The following CELF5 variants were observed in gnomAD, a reference collection of about 807,000 sequenced individuals.
The protein encoded by CELF5 is CUG-BP and ETR-3 like factor 5.
A neutral mutation model predicts 54.9 loss-of-function variants in CELF5; 6 were observed. That is an observed-to-expected ratio of 0.11 (90% CI 0.06 to 0.22). The LOEUF (loss-of-function observed/expected upper bound fraction) is 0.22, where lower values mean the gene tolerates loss of function less well. Among genes scored for constraint, CELF5 ranks in the 10% least tolerant of loss-of-function variants. CELF5 has a pLI of 1.00. For synonymous variants in CELF5, 271 were observed against 290.9 expected (o/e 0.93, Z 0.70); for missense variants, 401 against 678.6 (o/e 0.59, Z 4.54).
intron 1 of CELF5, among the ~76,000 whole-genome samples, chr19:3,237,311 C>CAA (rs1182124877): frequency 3.3e-3 from 136 of 41,776 alleles, no homozygotes; most frequent in Middle Eastern, 0.016. Context: ...GACTCCGTCT[C>CAA]AAAAAAAAAA....
intron 11 of CELF5, 108 bp from the exon 12 acceptor site, chr19:3,293,211 C>T (rs1393392147): frequency 1.1e-5 from 16 of 1,458,614 alleles, no homozygotes; most frequent in East Asian, 2.3e-5. Flanking sequence ...CAGGTGTGCA[C>T]GCAGGCCTGC....
intron 1 of CELF5, among the ~76,000 whole-genome samples, chr19:3,233,995 C>A (rs1157457611): frequency 1.3e-5 from 2 of 152,174 alleles, no homozygotes; most frequent in Admixed American, 1.3e-4. Flanking sequence ...GTGGAGCAGG[C>A]CCCTCAGTGC....
chr19:3,253,630 G>A (rs578219235), intron 2 of CELF5, among the ~76,000 whole-genome samples: 35 of 152,172 alleles, frequency 2.3e-4, no homozygotes, highest in African/African-American at 8.2e-4. Flanking sequence ...TGCAGAGCAG[G>A]GGGGGCAAAG....
rs1196826146 is a variant in CELF5, at chr19:3,296,954, C to T, written c.*237C>T. The T allele has an allele frequency of 7.6e-6, 1 of 131,928 alleles. No individual in the cohort carries two copies. The highest frequency in any genetic ancestry group is 1.6e-5 in the Non-Finnish European group (1 of 63,980). The allele number at this position is 131,928 out of a possible 1,614,324, so 8.2% of individuals were successfully genotyped here. A position where few individuals can be genotyped will look rare whatever the true frequency, so the allele number is the denominator to read the frequency against. On this transcript the variant is annotated 3_prime_UTR_variant, in exon 13 of 13. Coordinates refer to ENST00000292672, the MANE Select transcript of CELF5 (RefSeq NM_021938.4). ...GCTGAAGAGGTTGGTGTTCCTGTTA[C>T]GTGTTTCAGGTGAGAAGCAGCAAAG...
At chr19:3,269,878 C>T (rs543198698) in intron 2 of CELF5, among the ~76,000 whole-genome samples, 2 of 152,244 alleles carry the variant, frequency 1.3e-5, no homozygotes, top group Admixed American at 1.3e-4. Context: ...ATCCTCCCTC[C>T]TTGGCCTCCC....
chr19:3,259,325 C>G (rs2079775345), intron 2 of CELF5, among the ~76,000 whole-genome samples: 2 of 152,040 alleles, frequency 1.3e-5, no homozygotes, highest in Admixed American at 1.3e-4. Context: ...GTTGTCACGA[C>G]TTGGGGAGGA....
intron 2 of CELF5, among the ~76,000 whole-genome samples, chr19:3,264,188 C>A (rs764646084): frequency 6.6e-6 from 1 of 151,910 alleles, no homozygotes; most frequent in African/African-American, 2.4e-5. Context: ...GCAGGAGGAT[C>A]GCTTGAGCCC....
At chr19:3,262,956 T>TA (rs1331541265) in intron 2 of CELF5, among the ~76,000 whole-genome samples, 4 of 141,530 alleles carry the variant, frequency 2.8e-5, no homozygotes, top group Non-Finnish European at 6.1e-5. Flanking sequence ...TTTTAAAAAT[T>TA]AAAAAAATAG....
intron 2 of CELF5, 60 bp from the exon 3 acceptor site, chr19:3,273,812 C>CCCCCCCCCCCCCCA: frequency 8.3e-7 from 1 of 1,211,128 alleles, no homozygotes; most frequent in Non-Finnish European, 1.2e-6. Context: ...CAGGCAAAAC[C>CCCCCCCCCCCCCCA]CCCCGCCTGC....
chr19:3,291,198 C>T (rs1431060461), intron 11 of CELF5, among the ~76,000 whole-genome samples: 2 of 151,760 alleles, frequency 1.3e-5, no homozygotes, highest in South Asian at 2.1e-4. Flanking sequence ...TCCGTGAGGT[C>T]GAGGCTGCAG....
In CELF5 at chr19:3,278,439, G is replaced by A. The variant is rs77076603; in HGVS notation, c.603+329G>A. 0.056 allele frequency among the ~76,000 whole-genome samples: 8,583 copies of A among 152,028 alleles called. 959 individuals carry two copies. Among genetic ancestry groups the A allele is most frequent in the East Asian group, 0.5 (2,550 of 5,150 alleles). On this transcript the variant is annotated intron_variant, in intron 5 of 12. Transcript: ENST00000292672. The surrounding 1 kb of genome is among the most constrained non-coding windows in gnomAD (Gnocchi z 4.5). ...TGCATGCATGTGTGTGTGTGAGTGCGTGTTTGAGTGTGTCATTACTAGTAG... is the reference window on the plus strand; with the variant it reads ...TGCATGCATGTGTGTGTGTGAGTGCATGTTTGAGTGTGTCATTACTAGTAG...
At position 3,228,773 on chromosome 19, in the gene CELF5, C is replaced by T. The variant is rs576531162; in HGVS notation, c.259+3775C>T. Among the ~76,000 whole-genome samples, 4 of 137,742 alleles carry T rather than the reference C, an allele frequency of 2.9e-5. No individual in the cohort carries two copies. The highest frequency in any genetic ancestry group is 4.1e-4 in the East Asian group (2 of 4,850). 90.4% of individuals were successfully genotyped at this position (137,742 alleles called of 152,430 possible). On this transcript the variant is annotated intron_variant, in intron 1 of 12. Transcript: ENST00000292672. The surrounding 1 kb of genome is among the most constrained non-coding windows in gnomAD (Gnocchi z 6.0). ...TGACGCACCAGCTCCAGGGAGAAGG[C>T]GGGCTGGGCGGCCTGGCGGGGGGAC...
At chr19:3,288,543 C>CA (rs573064001) in intron 10 of CELF5, among the ~76,000 whole-genome samples, 256 of 151,484 alleles carry the variant, frequency 1.7e-3, no homozygotes, top group Non-Finnish European at 3.1e-3. Flanking sequence ...AACAAACAAA[C>CA]AAAACAAAAG....
chr19:3,277,152 C>T (rs182695070), intron 4 of CELF5, among the ~76,000 whole-genome samples: 1 of 152,148 alleles, frequency 6.6e-6, no homozygotes, highest in Non-Finnish European at 1.5e-5. Flanking sequence ...ATGTGTCTGA[C>T]GGTTTCAGAC....
rs967434403 is a variant in CELF5, at chr19:3,262,795, C to T, written c.343-11077C>T. Among the ~76,000 whole-genome samples the T allele has an allele frequency of 4.6e-5, 7 of 151,596 alleles. No homozygotes were observed. The East Asian group carries it at 9.8e-4, about 21-fold the overall frequency. On this transcript the variant is annotated intron_variant, in intron 2 of 12. Transcript: ENST00000292672. ...CTCTACTAAAAATACAAAAATTAGC[C>T]GGGCATGGTGGCACATGCCTGTCAT...
rs188490335 is a variant in CELF5, at chr19:3,255,357, T to C, written c.342+4290T>C. Among the ~76,000 whole-genome samples, 42 of 152,332 alleles carry C rather than the reference T, an allele frequency of 2.8e-4. No individual in the cohort carries two copies. In the East Asian group the frequency reaches 7.1e-3, roughly 26 times the overall value. On this transcript the variant is annotated intron_variant, in intron 2 of 12. Coordinates refer to ENST00000292672, the MANE Select transcript of CELF5 (RefSeq NM_021938.4). ...GAGCCACCACGCTGGCTAATTTTTA[T>C]ATTTTTAGTAGAGTCGGGGTTTCAC...
In CELF5 at chr19:3,278,145, G is replaced by A. The variant is rs773319908; in HGVS notation, c.603+35G>A. The A allele has an allele frequency of 7.8e-6, 11 of 1,403,742 alleles. No homozygotes were observed. Among genetic ancestry groups the A allele is most frequent in the Admixed American group, 1.7e-5 (1 of 58,450 alleles). The allele number at this position is 1,403,742 out of a possible 1,614,324, so 87.0% of individuals were successfully genotyped here. A position where few individuals can be genotyped will look rare whatever the true frequency, so the allele number is the denominator to read the frequency against. On this transcript the variant is annotated intron_variant, in intron 5 of 12. Transcript: ENST00000292672. This position sits in a 1 kb window ranked among gnomAD's most constrained non-coding sequence, Gnocchi z 4.5. ...AGCTGCCCTTGGCCGTGGGGGTGGG[G>A]GTGGGAAAGGGGTGAGGGGGACAGG...
At chr19:3,273,989 C>A (rs1438209477) in intron 3 of CELF5, 66 bp downstream of exon 3, 1 of 1,486,152 alleles carries the variant, frequency 6.7e-7, no homozygotes, top group Admixed American at 1.7e-5. Flanking sequence ...AGGAAAATCT[C>A]TTCCTTCCTC....
At chr19:3,227,292 T>C (rs1348250706) in intron 1 of CELF5, among the ~76,000 whole-genome samples, 3 of 152,204 alleles carry the variant, frequency 2.0e-5, no homozygotes, top group Non-Finnish European at 4.4e-5. Flanking sequence ...ACTGCCCCTC[T>C]CTGGGCCCTC....
Sources: gnomAD v4.1 joint callset for allele counts (sites outside exome capture counted in the v4.1 genomes callset) on GRCh38, gnomAD v4.1.1 for gene constraint, Gnocchi (gnomAD v3.1) non-coding constraint, MANE v1.5 for transcripts, NCBI Gene and HGNC (gene_info 2026-07-23, HGNC 2026-07-21) for gene names.